The following NEB variants were observed in gnomAD, a reference collection of about 807,000 sequenced individuals.
NEB encodes the protein nemaline myopathy type 2.
Under a neutral mutation model 952.2 loss-of-function variants are expected in NEB, and 512 were observed. That is an observed-to-expected ratio of 0.54 (90% CI 0.50 to 0.58). The LOEUF is 0.58. Among genes scored for constraint, NEB ranks in the 20% least tolerant of loss-of-function variants. The probability of loss-of-function intolerance (pLI) is 0.00; values close to 1 mark genes in which losing one functional copy is unlikely to be tolerated. For synonymous variants in NEB, 2,900 were observed against 3,149.8 expected, an observed-to-expected ratio of 0.92 and a Z score of 2.66; for missense variants, 8,428 against 9,231.1, an observed-to-expected ratio of 0.91 and a Z score of 3.56.
In NEB at chr2:151,678,967, G is replaced by A. The variant is rs111350459; in HGVS notation, c.3255+754C>T. On this transcript the variant is annotated intron_variant, in intron 32 of 181. Transcript: ENST00000397345. ...AAACAATCAGTAAAGTGGTGTTTGG[G>A]ACTCTGGGAAGTCAAAAGGAAGGGG... Among the ~76,000 whole-genome samples the A allele has an allele frequency of 3.3e-3, 498 of 152,280 alleles. 1 individual carries two copies. Among genetic ancestry groups the A allele is most frequent in the African/African-American group, 0.011 (459 of 41,548 alleles).
intron 64 of NEB, among the ~76,000 whole-genome samples, chr2:151,634,233 G>A (rs1484402975): frequency 6.6e-6 from 1 of 152,226 alleles, no homozygotes; most frequent in East Asian, 1.9e-4. Flanking sequence ...TGGGGAAAAG[G>A]TCACCTGTGG....
chr2:151,678,044 T>C lies in NEB; in HGVS notation c.3399A>G (p.Thr1133=), dbSNP rs543961404. The C allele has an allele frequency of 2.3e-4, 366 of 1,613,980 alleles. 4 individuals are homozygous for C. The South Asian group carries it at 3.6e-3, about 16-fold the overall frequency. ...CATGGGGCGTGTTGTATTTGGACTT[T>C]GTCTTCTCATAGTCTTTTTTATACT... is the stretch of plus-strand genomic sequence containing the variant. ...DREYKKDYEK[T]KSKYNTPHDM... Residue 1133 remains threonine, a synonymous_variant, in exon 33 of 182, where the codon ACA becomes ACG. Transcript: ENST00000397345.
At chr2:151,506,290 CAGAAG>C (rs780163762) in intron 163 of NEB, 32 bp from the exon 164 acceptor site, 22 of 1,530,092 alleles carry the variant, frequency 1.4e-5, no homozygotes, top group Non-Finnish European at 1.8e-5. Flanking sequence ...AGTGTTAACA[CAGAAG>C]AAAAGAAAAC....
chr2:151,660,189 G>A (rs573579430), intron 46 of NEB, among the ~76,000 whole-genome samples: 1 of 152,294 alleles, frequency 6.6e-6, no homozygotes, highest in East Asian at 1.9e-4. Flanking sequence ...ACACTTGAGA[G>A]CCCTCTGTGG....
chr2:151,694,292 G>GA, intron 20 of NEB, 31 bp downstream of exon 20: 1 of 1,580,894 alleles, frequency 6.3e-7, no homozygotes, highest in Non-Finnish European at 8.7e-7. Flanking sequence ...GGCCACGTCT[G>GA]AAAATAGGGG....
intron 181 of NEB, 27 bp from the exon 182 acceptor site, chr2:151,485,960 ATAT>A (rs746779495): frequency 1.1e-5 from 17 of 1,609,860 alleles, no homozygotes; most frequent in African/African-American, 2.7e-5. Flanking sequence ...AAAAGGGGAA[ATAT>A]TATATGTTGG....
chr2:151,512,880 G>T, intron 160 of NEB, 43 bp from the exon 161 acceptor site: 1 of 1,341,328 alleles, frequency 7.5e-7, no homozygotes, highest in Non-Finnish European at 1.1e-6. Context: ...TTTGCAATGT[G>T]CACAACAGTT....
Position 151,551,822 on chromosome 2 carries a change from C to T in NEB, c.19860G>A (p.Val6620=), listed in dbSNP as rs754635980. The T allele has an allele frequency of 8.7e-6, 14 of 1,612,808 alleles. No individual in the cohort carries two copies. In the South Asian group the frequency reaches 9.9e-5, roughly 11 times the overall value. Residue 6620 remains valine, a synonymous_variant, in exon 129 of 182, where the codon GTG becomes GTA. Transcript: ENST00000397345. ...LSDAVYHYDY[V]HSVRGKVAPT... ...GAGCCACTTTGCCTCTGACACTGTG[C>T]ACATAGTCATAGTGGTAGACAGCCT...
chr2:151,525,841 T>C lies in NEB; in HGVS notation c.22161+117A>G, dbSNP rs539939678. 13 of 814,452 alleles carry C rather than the reference T, an allele frequency of 1.6e-5. No homozygotes were observed. The African/African-American group carries it at 2.0e-4, about 13-fold the overall frequency. The allele number at this position is 814,452 out of a possible 1,614,324, so 50.5% of individuals were successfully genotyped here. A position where few individuals can be genotyped will look rare whatever the true frequency, so the allele number is the denominator to read the frequency against. On this transcript the variant is annotated intron_variant, in intron 150 of 181. Transcript: ENST00000397345. ...TCAGAGTTTAAGATTCACATGTAGATATTGATGGTAAGAGTGAAGCTACAT... is the reference window on the plus strand; with the variant it reads ...TCAGAGTTTAAGATTCACATGTAGACATTGATGGTAAGAGTGAAGCTACAT...
intron 20 of NEB, among the ~76,000 whole-genome samples, chr2:151,693,093 A>G (rs894567056): frequency 3.9e-5 from 6 of 152,222 alleles, no homozygotes; most frequent in African/African-American, 1.4e-4. Context: ...CACTTGGTGA[A>G]AACGCATTTT....
chr2:151,527,376 C>T (rs1432625251), intron 147 of NEB, 105 bp downstream of exon 147: 1 of 975,942 alleles, frequency 1.0e-6, no homozygotes, highest in Non-Finnish European at 1.5e-6. Context: ...GGATCTCAAA[C>T]GAGCAAGGGT....
chr2:151,657,296 T>C (rs969413711), intron 48 of NEB, among the ~76,000 whole-genome samples: 3 of 151,962 alleles, frequency 2.0e-5, no homozygotes, highest in African/African-American at 7.3e-5. Flanking sequence ...CAAGGAGAGA[T>C]TGTTTTGAAA....
chr2:151,647,198 C>T (rs1560969485), intron 54 of NEB, among the ~76,000 whole-genome samples: 1 of 152,000 alleles, frequency 6.6e-6, no homozygotes, highest in East Asian at 1.9e-4. Flanking sequence ...GTAATCTCCA[C>T]CTCCCAGGTT....
At position 151,581,582 on chromosome 2, in the gene NEB, C is replaced by T; in HGVS notation, c.16185G>A (p.Leu5395=). 1.3e-6 allele frequency: 1 copy of T among 751,832 alleles called. No individual in the cohort carries two copies. Among genetic ancestry groups the T allele is most frequent in the Non-Finnish European group, 2.2e-6 (1 of 453,404 alleles). The allele number at this position is 751,832 out of a possible 1,614,324, so 46.6% of individuals were successfully genotyped here. The change falls in exon 103 of 182, where the codon TTG becomes TTA. Residue 5395 remains leucine, a synonymous_variant. Transcript: ENST00000397345. ...KINAVQISEP[L]YRDAWEKEKA... ...TCTCTTTCTCCCAGGCATCGCGATA[C>T]AATGGCTGGGAAAAATGAAAAACGA...
intron 84 of NEB, among the ~76,000 whole-genome samples, chr2:151,605,804 A>G (rs2097684538): frequency 1.0e-5 from 1 of 96,274 alleles, no homozygotes; most frequent in Non-Finnish European, 2.6e-5. Flanking sequence ...TTCTATTTTT[A>G]TTTTTATTTT....
At chr2:151,560,552 A>AGGAGGGGGGGGGGGGG in intron 124 of NEB, 40 bp downstream of exon 124, 1 of 1,044,236 alleles carries the variant, frequency 9.6e-7, no homozygotes, top group Non-Finnish European at 1.2e-6. Context: ...AGGGGAGGGG[A>AGGAGGGGGGGGGGGGG]GGGAGGGTGG....
chr2:151,667,099 A>T (rs2099228765), intron 40 of NEB, among the ~76,000 whole-genome samples: 1 of 151,768 alleles, frequency 6.6e-6, no homozygotes. Flanking sequence ...TATATAATCC[A>T]TGGAAATAGA....
chr2:151,688,195 G>T (rs2099517706), intron 25 of NEB, 97 bp downstream of exon 25: 1 of 1,010,374 alleles, frequency 9.9e-7, no homozygotes, highest in Non-Finnish European at 1.5e-6. Context: ...TCTTAAAGTT[G>T]TTTATTTGCA....
Position 151,493,859 on chromosome 2 carries a change from G to C in NEB, c.24588C>G (p.Tyr8196Ter), listed in dbSNP as rs754272530. The change falls in exon 175 of 182, where the codon TAC becomes TAG. Residue 8196 changes from tyrosine to a stop codon, truncating the protein, a stop_gained. Transcript: ENST00000397345. LOFTEE classifies it high-confidence loss of function. The part of the protein sequence containing the change: ...RNQENISSVL[Y>*]KENLGKATPT... ...GGGTTGCTTTCCCCAGGTTCTCTTT[G>C]TATAACACCTGTGAGATACAAAGTC... 14 of 1,557,258 alleles carry C rather than the reference G, an allele frequency of 9.0e-6. No individual in the cohort carries two copies. The highest frequency in any genetic ancestry group is 2.0e-5 in the Admixed American group (1 of 51,118).
Sources: allele counts gnomAD v4.1 joint callset (sites outside exome capture counted in the v4.1 genomes callset), GRCh38; gene constraint gnomAD v4.1.1; transcripts MANE v1.5; gene names NCBI Gene and HGNC (gene_info 2026-07-23, HGNC 2026-07-21).